Variants in FHIT observed in about 807,000 individuals in gnomAD.
FHIT encodes fragile histidine triad diadenosine triphosphatase, also known as bis(5'-adenosyl)-triphosphatase.
In FHIT, 19 loss-of-function variants were observed where a neutral mutation model predicts 17.9. The ratio of observed to expected loss-of-function variants is 1.06; its 90% CI spans 0.74 to 1.56. FHIT has a LOEUF of 1.56. Among genes scored for constraint, FHIT ranks in the 40% most tolerant of loss-of-function variants. The pLI is 0.00. For missense variants in FHIT, 248 were observed against 189.2 expected (o/e 1.31, Z -1.82); for synonymous variants, 81 against 69.7 (o/e 1.16, Z -0.81).
At chr3:60,704,993 T>C (rs947338621) in intron 4 of FHIT, among the ~76,000 whole-genome samples, 3 of 150,720 alleles carry the variant, frequency 2.0e-5, no homozygotes, top group African/African-American at 7.3e-5. Flanking sequence ...GGCTGAAGAA[T>C]GAACCAACCC....
At chr3:60,405,956 T>C (rs927279365) in intron 5 of FHIT, among the ~76,000 whole-genome samples, 4 of 152,220 alleles carry the variant, frequency 2.6e-5, no homozygotes, top group African/African-American at 4.8e-5. Context: ...ACTTCTTATA[T>C]GTTAAGTGGT....
chr3:60,287,093 C>G (rs906358332), intron 5 of FHIT, among the ~76,000 whole-genome samples: 9 of 152,182 alleles, frequency 5.9e-5, no homozygotes, highest in African/African-American at 1.9e-4. Flanking sequence ...AAATGTTGAA[C>G]TCAGTCAGAT....
chr3:60,106,742 A>G (rs1208652601), intron 5 of FHIT, among the ~76,000 whole-genome samples: 1 of 152,194 alleles, frequency 6.6e-6, no homozygotes, highest in African/African-American at 2.4e-5. Context: ...TCTCCCTTTC[A>G]GGAGTGAATC....
At chr3:60,548,280 C>T (rs374844872) in intron 4 of FHIT, among the ~76,000 whole-genome samples, 1 of 152,012 alleles carries the variant, frequency 6.6e-6, no homozygotes, top group East Asian at 1.9e-4. Context: ...TTAGGCAATC[C>T]CTTTGCACTA....
intron 4 of FHIT, among the ~76,000 whole-genome samples, chr3:60,714,188 G>T (rs1219875509): frequency 1.3e-5 from 2 of 152,080 alleles, no homozygotes; most frequent in African/African-American, 4.8e-5. Flanking sequence ...AAAACCATAC[G>T]ATTATCTCAA....
chr3:60,551,155 C>G (rs1453900665), intron 4 of FHIT, among the ~76,000 whole-genome samples: 2 of 151,872 alleles, frequency 1.3e-5, no homozygotes, highest in Non-Finnish European at 2.9e-5. Context: ...TGGAGCCTAA[C>G]AGCAGGCAGC....
intron 5 of FHIT, among the ~76,000 whole-genome samples, chr3:60,443,741 T>C (rs1170983745): frequency 6.6e-6 from 1 of 152,080 alleles, no homozygotes; most frequent in Non-Finnish European, 1.5e-5. Flanking sequence ...TCTCTTTTTT[T>C]GTTGTGTCTC....
chr3:59,857,705 G>GTTTTTTTTTTTTTTTTTTTTTTT (rs78150569), intron 8 of FHIT, among the ~76,000 whole-genome samples: 5 of 115,434 alleles, frequency 4.3e-5, no homozygotes, highest in African/African-American at 1.8e-4. Flanking sequence ...AAAGTGCTGG[G>GTTTTTTTTTTTTTTTTTTTTTTT]TTTTTTTTTT....
intron 2 of FHIT, among the ~76,000 whole-genome samples, chr3:61,051,939 C>T (rs1456007727): frequency 6.6e-6 from 1 of 152,158 alleles, no homozygotes; most frequent in Non-Finnish European, 1.5e-5. Context: ...TTTCCACACA[C>T]CATCAGAAGA....
intron 4 of FHIT, among the ~76,000 whole-genome samples, chr3:60,651,065 T>C (rs2039978125): frequency 6.6e-6 from 1 of 152,172 alleles, no homozygotes; most frequent in Non-Finnish European, 1.5e-5. Context: ...ATAAACATTA[T>C]TTAATGTATG....
At chr3:60,874,427 G>T (rs1704552219) in intron 3 of FHIT, among the ~76,000 whole-genome samples, 2 of 152,152 alleles carry the variant, frequency 1.3e-5, no homozygotes, top group African/African-American at 4.8e-5. Flanking sequence ...CTCTGAAACT[G>T]AATGTGGAAT....
chr3:60,880,967 C>T (rs1704947714), intron 3 of FHIT, among the ~76,000 whole-genome samples: 2 of 152,008 alleles, frequency 1.3e-5, no homozygotes, highest in Non-Finnish European at 2.9e-5. Context: ...AATAAATTCC[C>T]CACTTAAAGA....
chr3:60,719,472 T>C (rs527927992), intron 4 of FHIT, among the ~76,000 whole-genome samples: 4 of 152,182 alleles, frequency 2.6e-5, no homozygotes, highest in African/African-American at 9.7e-5. Context: ...GTAGAGTTTA[T>C]GATTAAGATC....
At chr3:60,114,566 T>A (rs1449655081) in intron 5 of FHIT, among the ~76,000 whole-genome samples, 1 of 136,590 alleles carries the variant, frequency 7.3e-6, no homozygotes, top group Non-Finnish European at 1.5e-5. Context: ...CAATCTCAGC[T>A]CACTGCACTC....
intron 3 of FHIT, among the ~76,000 whole-genome samples, chr3:60,855,925 T>C (rs1553749826): frequency 6.6e-6 from 1 of 152,136 alleles, no homozygotes; most frequent in East Asian, 1.9e-4. Context: ...AAGAACCTTG[T>C]AAACACCCAT....
At chr3:60,952,993 A>G (rs1237775826) in intron 3 of FHIT, among the ~76,000 whole-genome samples, 1 of 152,160 alleles carries the variant, frequency 6.6e-6, no homozygotes, top group Non-Finnish European at 1.5e-5. Context: ...AATCTATCTT[A>G]TATTCATTTA....
chr3:60,390,210 G>A (rs1701165492), intron 5 of FHIT, among the ~76,000 whole-genome samples: 1 of 151,838 alleles, frequency 6.6e-6, no homozygotes, highest in Admixed American at 6.6e-5. Context: ...AACAATATAT[G>A]GGTATCAGTA....
At chr3:60,847,346 G>T (rs1702962477) in intron 3 of FHIT, among the ~76,000 whole-genome samples, 1 of 125,508 alleles carries the variant, frequency 8.0e-6, no homozygotes, top group Admixed American at 7.7e-5. Context: ...CACATTTTAG[G>T]CATGGTGAAG....
chr3:59,985,596 C>A (rs554511651), intron 7 of FHIT, among the ~76,000 whole-genome samples: 1 of 152,250 alleles, frequency 6.6e-6, no homozygotes, highest in African/African-American at 2.4e-5. Flanking sequence ...TTTCCCATCT[C>A]AGGGCAATGA....
Sources: gnomAD v4.1 joint callset for allele counts (sites outside exome capture counted in the v4.1 genomes callset) on GRCh38, gnomAD v4.1.1 for gene constraint, MANE v1.5 for transcripts, NCBI Gene and HGNC (gene_info 2026-07-23, HGNC 2026-07-21) for gene names.